MEF2A: variants seen among roughly 807,000 people sequenced by gnomAD.
MEF2A encodes myocyte-specific enhancer factor 2A.
In MEF2A, 28 loss-of-function variants were observed where a neutral mutation model predicts 55.8. That is an observed-to-expected ratio of 0.50 (90% CI 0.37 to 0.69). The LOEUF (loss-of-function observed/expected upper bound fraction) is 0.69, where lower values mean the gene tolerates loss of function less well. Ranked by LOEUF, MEF2A falls within the 30% of genes least tolerant of loss-of-function variation. The pLI is 0.00. For synonymous variants in MEF2A, 239 were observed against 227.1 expected, an observed-to-expected ratio of 1.05 and a Z score of -0.47; for missense variants, 528 against 626.2, an observed-to-expected ratio of 0.84 and a Z score of 1.67.
intron 7 of MEF2A, 147 bp from the exon 8 acceptor site, chr15:99,690,094 A>C: frequency 1.4e-6 from 1 of 738,090 alleles, no homozygotes; most frequent in Non-Finnish European, 2.2e-6. Flanking sequence ...TTCTGGTCCC[A>C]AGCATTTCGG....
At chr15:99,637,784 A>G (rs112218900) in intron 3 of MEF2A, among the ~76,000 whole-genome samples, 5,016 of 152,208 alleles carry the variant, frequency 0.033, 95 homozygotes, top group Middle Eastern at 0.12. Flanking sequence ...CTGGGATTAC[A>G]GGCGCCTGCC....
chr15:99,684,511 CT>C (rs1456120078), intron 7 of MEF2A, among the ~76,000 whole-genome samples: 1 of 152,184 alleles, frequency 6.6e-6, no homozygotes, highest in Non-Finnish European at 1.5e-5. Flanking sequence ...TGTGTATCTG[CT>C]TTTGAGAATT....
chr15:99,690,254 A>G lies in MEF2A; in HGVS notation c.684A>G (p.Val228=). 1 of 1,613,468 alleles carries G rather than the reference A, an allele frequency of 6.2e-7. No individual in the cohort carries two copies. The highest frequency in any genetic ancestry group is 1.1e-5 in the South Asian group (1 of 90,938). The stretch of plus-strand genomic sequence containing the variant: ...TTTTCCCCCCAGGGAATGGATTTGT[A>G]AACTCAAGAGCTTCTCCAAATTTGA... ...AGSSPVGNGF[V]NSRASPNLIG... is the part of the protein sequence containing the mutation. The change falls in exon 8 of 12, where the codon GTA becomes GTG. Residue 228 remains valine (V), a synonymous_variant. Transcript: ENST00000557942.
In MEF2A at chr15:99,671,391, A is replaced by G; in HGVS notation, c.327A>G (p.Pro109=). ...CTGACGATTACTTTGAGCACAGTCCACTCTCGGAGGACAGATTCAGCAAAC... is the reference window on the plus strand; with the variant it reads ...CTGACGATTACTTTGAGCACAGTCCGCTCTCGGAGGACAGATTCAGCAAAC... ...PDADDYFEHS[P]LSEDRFSKLN... The change falls in exon 5 of 12, where the codon CCA becomes CCG. Residue 109 remains proline (P), a synonymous_variant. Coordinates refer to ENST00000557942, the MANE Select transcript of MEF2A (RefSeq NM_001319206.4). 1 of 1,611,880 alleles carries G rather than the reference A, an allele frequency of 6.2e-7. No homozygotes were observed. The highest frequency in any genetic ancestry group is 8.5e-7 in the Non-Finnish European group (1 of 1,178,824).
At chr15:99,599,573 T>G (rs1236738343) in intron 2 of MEF2A, among the ~76,000 whole-genome samples, 1 of 152,156 alleles carries the variant, frequency 6.6e-6, no homozygotes, top group Non-Finnish European at 1.5e-5. Flanking sequence ...TTGTTATAAC[T>G]TGACTGAAGA....
chr15:99,659,465 A>G (rs2048283396), intron 4 of MEF2A, among the ~76,000 whole-genome samples: 2 of 152,184 alleles, frequency 1.3e-5, no homozygotes, highest in African/African-American at 4.8e-5. Context: ...AGTGCCTACA[A>G]CCACCACATA....
chr15:99,696,389 A>G (rs528522002), intron 8 of MEF2A, among the ~76,000 whole-genome samples: 1 of 152,354 alleles, frequency 6.6e-6, no homozygotes, highest in South Asian at 2.1e-4. Flanking sequence ...AGTGAATTGA[A>G]ATCAGGCATA....
intron 5 of MEF2A, among the ~76,000 whole-genome samples, chr15:99,673,353 A>G (rs1162836086): frequency 6.6e-6 from 1 of 152,226 alleles, no homozygotes; most frequent in Non-Finnish European, 1.5e-5. Flanking sequence ...GATATCGCAC[A>G]AATAAAAGTG....
chr15:99,697,848 C>T (rs1485767923), intron 8 of MEF2A, among the ~76,000 whole-genome samples: 1 of 152,086 alleles, frequency 6.6e-6, no homozygotes, highest in East Asian at 1.9e-4. Flanking sequence ...TATAGTAATC[C>T]AGAAAGTGTG....
rs1400348083 is a variant in MEF2A, at chr15:99,715,661, G to C, written c.*2890G>C. 2 of 152,118 alleles carry C rather than the reference G, an allele frequency of 1.3e-5. No individual in the cohort carries two copies. Among genetic ancestry groups the C allele is most frequent in the African/African-American group, 4.8e-5 (2 of 41,404 alleles). The allele number at this position is 152,118 out of a possible 1,614,324, so 9.4% of individuals were successfully genotyped here. ...AGAACCGTCTTTTCTTACCCTTTTAGACTCGTGTTTTGTATGAGACACCAT... is the reference window on the plus strand; with the variant it reads ...AGAACCGTCTTTTCTTACCCTTTTACACTCGTGTTTTGTATGAGACACCAT... On this transcript the variant is annotated 3_prime_UTR_variant, in exon 12 of 12. Coordinates refer to ENST00000557942, the MANE Select transcript of MEF2A (RefSeq NM_001319206.4).
intron 1 of MEF2A, among the ~76,000 whole-genome samples, chr15:99,586,542 C>A (rs1323831051): frequency 6.6e-6 from 1 of 152,168 alleles, no homozygotes; most frequent in African/African-American, 2.4e-5. Context: ...TATTACTCAG[C>A]TGTAAGACAT....
rs1028255886 is a variant in MEF2A at position 99,714,319 on chromosome 15, A to T, written c.*1548A>T. On this transcript the variant is annotated 3_prime_UTR_variant, in exon 12 of 12. Transcript: ENST00000557942. ...TGACCTAATTTAATTAATATTAGAG[A>T]AAATGGCAAAATAGTAGATGAGCAC... is the stretch of plus-strand genomic sequence containing the variant. 2 of 152,252 alleles carry T rather than the reference A, an allele frequency of 1.3e-5. No individual in the cohort carries two copies. The highest frequency in any genetic ancestry group is 4.8e-5 in the African/African-American group (2 of 41,458). 9.4% of individuals were successfully genotyped at this position (152,252 alleles called of 1,614,324 possible).
intron 3 of MEF2A, among the ~76,000 whole-genome samples, chr15:99,643,627 T>G (rs2045422517): frequency 1.3e-5 from 2 of 151,692 alleles, no homozygotes; most frequent in South Asian, 4.2e-4. Context: ...AGTCTCGCTC[T>G]GTCGCCCAGG....
chr15:99,566,093 T>C lies in MEF2A; in HGVS notation c.-236T>C, dbSNP rs1406792954. The C allele has an allele frequency of 6.6e-6, 1 of 151,220 alleles. No individual in the cohort carries two copies. Among genetic ancestry groups the C allele is most frequent in the Non-Finnish European group, 1.5e-5 (1 of 68,096 alleles). 9.4% of individuals were successfully genotyped at this position (151,220 alleles called of 1,614,324 possible). On this transcript the variant is annotated 5_prime_UTR_variant, in exon 1 of 12. Transcript: ENST00000557942. ...CGGCGTGTGCGCGCCCGCCAGCTGC[T>C]CCGGAGATACGGTGAGGGCCGCGGG...
At chr15:99,675,828 AAG>A (rs1244178534) in intron 7 of MEF2A, among the ~76,000 whole-genome samples, 1 of 152,266 alleles carries the variant, frequency 6.6e-6, no homozygotes, top group East Asian at 1.9e-4. Flanking sequence ...GCCTGAGCTG[AAG>A]AGTTTGTGAC....
chr15:99,602,697 T>TGTGTGTGGGGGTGGG (rs1973627903), intron 2 of MEF2A, among the ~76,000 whole-genome samples: 1 of 81,542 alleles, frequency 1.2e-5, no homozygotes, highest in Non-Finnish European at 2.2e-5. Context: ...TGTGTGTGTG[T>TGTGTGTGGGGGTGGG]GTAGGGGTGG....
intron 3 of MEF2A, 106 bp downstream of exon 3, chr15:99,633,279 A>G (rs2043219412): frequency 2.7e-6 from 2 of 727,650 alleles, no homozygotes; most frequent in African/African-American, 1.9e-5. Context: ...AAGTCTAAAT[A>G]TTTTTAGTTA....
chr15:99,586,277 T>C (rs1467729524), intron 1 of MEF2A, among the ~76,000 whole-genome samples: 1 of 152,220 alleles, frequency 6.6e-6, no homozygotes, highest in African/African-American at 2.4e-5. Context: ...AGTAGTTGTA[T>C]GATTTTACAG....
At chr15:99,645,099 C>G (rs962574503) in intron 3 of MEF2A, among the ~76,000 whole-genome samples, 1 of 152,014 alleles carries the variant, frequency 6.6e-6, no homozygotes, top group Non-Finnish European at 1.5e-5. Flanking sequence ...TTGCTGATCC[C>G]AGACTGTGAA....
Sources: gnomAD v4.1 joint callset for allele counts (sites outside exome capture counted in the v4.1 genomes callset) on GRCh38, gnomAD v4.1.1 for gene constraint, MANE v1.5 for transcripts, NCBI Gene and HGNC (gene_info 2026-07-23, HGNC 2026-07-21) for gene names.